The following CWC27 variants were observed in gnomAD, a reference collection of about 807,000 sequenced individuals.
CWC27 encodes spliceosome-associated protein CWC27 homolog.
Under a neutral mutation model 63.6 loss-of-function variants are expected in CWC27, and 47 were observed. The observed-to-expected ratio is 0.74, with a 90% CI of 0.58 to 0.94. The LOEUF (loss-of-function observed/expected upper bound fraction) is 0.94, where lower values mean the gene tolerates loss of function less well. Among genes scored for constraint, CWC27 ranks in the 40% least tolerant of loss-of-function variants. The probability of loss-of-function intolerance (pLI) is 0.00; values close to 1 mark genes in which losing one functional copy is unlikely to be tolerated. For synonymous variants in CWC27, 175 were observed against 179.8 expected, an observed-to-expected ratio of 0.97 and a Z score of 0.22; for missense variants, 495 against 554.3, an observed-to-expected ratio of 0.89 and a Z score of 1.07.
At chr5:64,784,810 T>C (rs961840169) in intron 4 of CWC27, among the ~76,000 whole-genome samples, 3 of 152,248 alleles carry the variant, frequency 2.0e-5, no homozygotes, top group African/African-American at 2.4e-5. Context: ...TTAGGAAATA[T>C]GCATTGGCAC....
chr5:64,968,938 A>G (rs530420812), intron 11 of CWC27, among the ~76,000 whole-genome samples: 1 of 152,218 alleles, frequency 6.6e-6, no homozygotes, highest in Non-Finnish European at 1.5e-5. Flanking sequence ...AAGGCCATTT[A>G]GTATTATAAA....
At chr5:64,832,616 C>A (rs893852311) in intron 10 of CWC27, among the ~76,000 whole-genome samples, 2 of 151,882 alleles carry the variant, frequency 1.3e-5, no homozygotes, top group African/African-American at 4.8e-5. Flanking sequence ...TGTTCCATAA[C>A]ACAAAATACT....
At chr5:64,965,200 A>T (rs922574210) in intron 11 of CWC27, among the ~76,000 whole-genome samples, 11 of 152,226 alleles carry the variant, frequency 7.2e-5, no homozygotes, top group African/African-American at 2.2e-4. Context: ...CTGTATAATG[A>T]TAGGGAACAC....
chr5:64,884,842 C>T (rs1377543453), intron 10 of CWC27, among the ~76,000 whole-genome samples: 1 of 152,152 alleles, frequency 6.6e-6, no homozygotes, highest in Non-Finnish European at 1.5e-5. Context: ...TTGTCTTTAA[C>T]ACATGATTAT....
chr5:64,823,411 C>CT (rs1314069071), intron 10 of CWC27, among the ~76,000 whole-genome samples: 1 of 152,158 alleles, frequency 6.6e-6, no homozygotes, highest in South Asian at 2.1e-4. Flanking sequence ...TTTTAAGCGA[C>CT]TGTATTTAAA....
At position 65,017,041 on chromosome 5, in the gene CWC27, G is replaced by A. The variant is rs138145403; in HGVS notation, c.1257-1118G>A. 4.3e-3 allele frequency among the ~76,000 whole-genome samples: 660 copies of A among 152,178 alleles called. 6 individuals carry two copies. The highest frequency in any genetic ancestry group is 0.015 in the African/African-American group (629 of 41,516). On this transcript the variant is annotated intron_variant, in intron 13 of 13. Transcript: ENST00000381070. ...TATTTGTATGAAAATTGAACTTTTC[G>A]CCGGGCACGGTGGCTCACACCTGTA...
intron 13 of CWC27, among the ~76,000 whole-genome samples, chr5:64,996,206 C>T (rs1749629198): frequency 6.6e-6 from 1 of 152,132 alleles, no homozygotes; most frequent in African/African-American, 2.4e-5. Context: ...TTACTTTCTT[C>T]TCTTTTACCT....
intron 10 of CWC27, among the ~76,000 whole-genome samples, chr5:64,843,827 T>A (rs1394144623): frequency 6.6e-6 from 1 of 152,114 alleles, no homozygotes; most frequent in Non-Finnish European, 1.5e-5. Flanking sequence ...CATGATTTTT[T>A]AAAATGTACA....
intron 9 of CWC27, among the ~76,000 whole-genome samples, chr5:64,802,149 T>C (rs1013697391): frequency 3.3e-5 from 5 of 152,166 alleles, no homozygotes; most frequent in African/African-American, 7.2e-5. Flanking sequence ...GCTCAGAGAA[T>C]AGCATATGCT....
intron 11 of CWC27, among the ~76,000 whole-genome samples, chr5:64,922,891 G>A (rs138901377): frequency 1.5e-3 from 228 of 152,268 alleles, no homozygotes; most frequent in African/African-American, 5.2e-3. Flanking sequence ...GAGGGCGCGG[G>A]CTCAGCTTCA....
chr5:64,889,776 A>T (rs1580706034), intron 11 of CWC27, among the ~76,000 whole-genome samples: 1 of 152,190 alleles, frequency 6.6e-6, no homozygotes, highest in African/African-American at 2.4e-5. Flanking sequence ...GCAATGTCAA[A>T]AGAGATGTAC....
intron 10 of CWC27, among the ~76,000 whole-genome samples, chr5:64,815,161 A>G (rs1017364891): frequency 3.9e-5 from 6 of 152,056 alleles, no homozygotes; most frequent in African/African-American, 1.4e-4. Context: ...TATATCCTGA[A>G]TTGTTTCTTA....
intron 1 of CWC27, among the ~76,000 whole-genome samples, chr5:64,769,513 A>G (rs1462169196): frequency 6.6e-6 from 1 of 152,212 alleles, no homozygotes; most frequent in African/African-American, 2.4e-5. Context: ...TTGCTTAACT[A>G]AGGTCATTCA....
chr5:64,800,521 G>A (rs961230068), intron 8 of CWC27, among the ~76,000 whole-genome samples, 194 bp downstream of exon 8: 4 of 152,246 alleles, frequency 2.6e-5, no homozygotes, highest in South Asian at 2.1e-4. Context: ...AGTCACTTTC[G>A]CACTTGCTCT....
intron 10 of CWC27, among the ~76,000 whole-genome samples, chr5:64,831,210 ATGT>A (rs1442888138): frequency 1.3e-5 from 2 of 151,974 alleles, no homozygotes; most frequent in Non-Finnish European, 2.9e-5. Context: ...ATTTTTCAAA[ATGT>A]TGTATGACAA....
chr5:64,843,926 C>T (rs1008743781), intron 10 of CWC27, among the ~76,000 whole-genome samples: 12 of 152,206 alleles, frequency 7.9e-5, no homozygotes, highest in South Asian at 4.2e-4. Context: ...GCTGCCCCTC[C>T]GCCACCCCGC....
chr5:64,928,761 T>A (rs1748171297), intron 11 of CWC27, among the ~76,000 whole-genome samples: 1 of 152,210 alleles, frequency 6.6e-6, no homozygotes, highest in Non-Finnish European at 1.5e-5. Flanking sequence ...GTATTCCTGT[T>A]CTAAATATTT....
intron 13 of CWC27, among the ~76,000 whole-genome samples, chr5:65,015,829 G>T (rs1750039436): frequency 6.6e-6 from 1 of 152,204 alleles, no homozygotes; most frequent in Non-Finnish European, 1.5e-5. Flanking sequence ...GAATTGTTTA[G>T]GGGCAGCTAT....
chr5:64,932,379 C>G (rs1748256778), intron 11 of CWC27, among the ~76,000 whole-genome samples: 1 of 151,172 alleles, frequency 6.6e-6, no homozygotes, highest in South Asian at 2.1e-4. Context: ...TAATTCTTAA[C>G]TTGTAAAATT....
Sources: gnomAD v4.1 joint callset for allele counts (sites outside exome capture counted in the v4.1 genomes callset) on GRCh38, gnomAD v4.1.1 for gene constraint, MANE v1.5 for transcripts, NCBI Gene and HGNC (gene_info 2026-07-23, HGNC 2026-07-21) for gene names.